GRIP1: variants seen among roughly 807,000 people sequenced by gnomAD.
GRIP1 encodes glutamate receptor interacting protein 1.
A neutral mutation model predicts 129.9 loss-of-function variants in GRIP1; 45 were observed. The ratio of observed to expected loss-of-function variants is 0.35; its 90% confidence interval spans 0.27 to 0.44. The LOEUF (loss-of-function observed/expected upper bound fraction) is 0.44. GRIP1 is among the 20% of genes least tolerant of loss of function. The pLI is 1.00. For synonymous variants in GRIP1, 530 were observed against 520.8 expected (o/e 1.02, Z -0.24); for missense variants, 1,196 against 1,396.8 (o/e 0.86, Z 2.29).
intron 1 of GRIP1, among the ~76,000 whole-genome samples, chr12:66,903,217 T>C (rs1234682199): frequency 2.0e-5 from 3 of 151,940 alleles, no homozygotes; most frequent in South Asian, 2.1e-4. Context: ...CCGCAATCCA[T>C]AGTTATTTAT....
At chr12:66,435,133 C>CA (rs1259661017) in intron 13 of GRIP1, among the ~76,000 whole-genome samples, 1 of 151,582 alleles carries the variant, frequency 6.6e-6, no homozygotes, top group Non-Finnish European at 1.5e-5. Flanking sequence ...ATAAAGCACA[C>CA]AAATGGCCCA....
chr12:66,878,793 G>A (rs770697021), intron 1 of GRIP1, among the ~76,000 whole-genome samples: 7 of 151,938 alleles, frequency 4.6e-5, no homozygotes, highest in African/African-American at 1.2e-4. Flanking sequence ...AAGAAGTATC[G>A]CGGAGAAAAA....
At chr12:66,538,573 T>C (rs2061676433) in intron 4 of GRIP1, among the ~76,000 whole-genome samples, 3 of 152,184 alleles carry the variant, frequency 2.0e-5, no homozygotes, top group Non-Finnish European at 4.4e-5. Context: ...GATTGGCATA[T>C]TGATATAATT....
intron 7 of GRIP1, among the ~76,000 whole-genome samples, chr12:66,483,079 T>C (rs2059850436): frequency 6.6e-6 from 1 of 152,188 alleles, no homozygotes; most frequent in Admixed American, 6.5e-5. Flanking sequence ...GAGTCCTGCA[T>C]TGCAATCACA....
intron 1 of GRIP1, among the ~76,000 whole-genome samples, chr12:67,063,280 A>T (rs937253334): frequency 1.3e-5 from 2 of 152,210 alleles, no homozygotes; most frequent in African/African-American, 4.8e-5. Flanking sequence ...CATTGTATTC[A>T]TCACCTCACT....
At chr12:66,526,519 A>G (rs2061246256) in intron 5 of GRIP1, among the ~76,000 whole-genome samples, 1 of 152,182 alleles carries the variant, frequency 6.6e-6, no homozygotes, top group Non-Finnish European at 1.5e-5. Flanking sequence ...ACCTTATACA[A>G]AAATTAATTC....
At chr12:66,561,770 G>A (rs777739418) in intron 2 of GRIP1, among the ~76,000 whole-genome samples, 24 of 152,140 alleles carry the variant, frequency 1.6e-4, no homozygotes, top group African/African-American at 4.1e-4. Context: ...GCCAGCGATC[G>A]TAAGGCACAC....
intron 1 of GRIP1, among the ~76,000 whole-genome samples, chr12:66,765,710 G>A (rs1302139852): frequency 1.3e-5 from 2 of 152,194 alleles, no homozygotes; most frequent in African/African-American, 4.8e-5. Flanking sequence ...CAAATAATTT[G>A]TAGAATTGAT....
intron 1 of GRIP1, among the ~76,000 whole-genome samples, chr12:66,834,177 CAAA>C (rs60054128): frequency 3.2e-5 from 3 of 95,198 alleles, no homozygotes; most frequent in Admixed American, 1.3e-4. Context: ...GACTTCATCT[CAAA>C]AAAAAAAAAA....
chr12:66,471,679 A>G (rs550400904), intron 7 of GRIP1, among the ~76,000 whole-genome samples: 3 of 152,340 alleles, frequency 2.0e-5, no homozygotes, highest in South Asian at 4.1e-4. Context: ...TGATTCTAGC[A>G]GAGAGCTCTA....
intron 1 of GRIP1, among the ~76,000 whole-genome samples, chr12:66,766,119 T>C (rs2037628915): frequency 6.6e-6 from 1 of 152,164 alleles, no homozygotes; most frequent in African/African-American, 2.4e-5. Context: ...ATCCACACTG[T>C]GATATAAGTG....
At chr12:66,448,562 ATCT>A (rs2058694053) in intron 11 of GRIP1, among the ~76,000 whole-genome samples, 1 of 152,116 alleles carries the variant, frequency 6.6e-6, no homozygotes, top group Non-Finnish European at 1.5e-5. Flanking sequence ...CTCTGCATGT[ATCT>A]TCTCAACTCT....
intron 1 of GRIP1, among the ~76,000 whole-genome samples, chr12:66,836,070 T>C (rs2039607872): frequency 6.6e-6 from 1 of 152,202 alleles, no homozygotes; most frequent in African/African-American, 2.4e-5. Context: ...ATAGCTCTTT[T>C]ATGTCATTCT....
chr12:66,464,938 C>CTT (rs1164108674), intron 8 of GRIP1, among the ~76,000 whole-genome samples: 1 of 79,986 alleles, frequency 1.3e-5, no homozygotes, highest in Non-Finnish European at 2.6e-5. Flanking sequence ...GGGGCACTTT[C>CTT]TTTCTTTCTT....
intron 7 of GRIP1, among the ~76,000 whole-genome samples, chr12:66,501,062 C>A (rs1289844506): frequency 6.6e-6 from 1 of 152,124 alleles, no homozygotes; most frequent in Non-Finnish European, 1.5e-5. Context: ...CACAGAAGAG[C>A]CAGGAGACAG....
chr12:66,377,494 ATTT>A (rs372760716), intron 20 of GRIP1, among the ~76,000 whole-genome samples: 8 of 134,318 alleles, frequency 6.0e-5, no homozygotes, highest in African/African-American at 2.2e-4. Context: ...CGCCTGGCTA[ATTT>A]TTTTTTTTTT....
At chr12:66,547,311 T>C (rs1261551477) in intron 2 of GRIP1, among the ~76,000 whole-genome samples, 1 of 152,134 alleles carries the variant, frequency 6.6e-6, no homozygotes, top group African/African-American at 2.4e-5. Flanking sequence ...TAGATCACTC[T>C]GACGCTACTG....
At chr12:66,814,611 T>C (rs1219481274) in intron 1 of GRIP1, among the ~76,000 whole-genome samples, 1 of 144,544 alleles carries the variant, frequency 6.9e-6, no homozygotes, top group African/African-American at 2.6e-5. Flanking sequence ...AAAAAAGCAA[T>C]GACCATGTCT....
intron 24 of GRIP1, among the ~76,000 whole-genome samples, chr12:66,350,423 C>G (rs760746270): frequency 2.6e-5 from 4 of 152,118 alleles, no homozygotes; most frequent in Non-Finnish European, 4.4e-5. Context: ...TCGCTTGAAC[C>G]TGGGAGGCAT....
Sources: allele counts gnomAD v4.1 joint callset (sites outside exome capture counted in the v4.1 genomes callset), GRCh38; gene constraint gnomAD v4.1.1; transcripts MANE v1.5; gene names NCBI Gene and HGNC (gene_info 2026-07-23, HGNC 2026-07-21).